The following GRIA1 variants were observed in gnomAD, a reference collection of about 807,000 sequenced individuals.
GRIA1 encodes glutamate receptor 1.
A neutral mutation model predicts 99.2 loss-of-function variants in GRIA1; 31 were observed. That is an observed-to-expected ratio of 0.31 (90% CI 0.23 to 0.42). GRIA1 has a LOEUF of 0.42. Ranked by LOEUF, GRIA1 falls within the 10% of genes least tolerant of loss-of-function variation. The pLI, the probability that GRIA1 is intolerant of heterozygous loss-of-function variation, is 1.00. For synonymous variants in GRIA1, 438 were observed against 432.4 expected, an observed-to-expected ratio of 1.01 and a Z score of -0.16; for missense variants, 782 against 1,157.5, an observed-to-expected ratio of 0.68 and a Z score of 4.71.
rs1267913024 is a variant in GRIA1 at position 153,533,396 on chromosome 5, G to A, written c.220+39331G>A. Among the ~76,000 whole-genome samples the A allele has an allele frequency of 2.0e-5, 3 of 152,090 alleles. No homozygotes were observed. In the East Asian group the frequency reaches 5.8e-4, roughly 29 times the overall value. On this transcript the variant is annotated intron_variant, in intron 2 of 15. Transcript: ENST00000285900. ...ATGGAGGAGGCTTCTGAGGGACTGAGGGAGGACAAATCTTGGAAAGAGAGG... is the reference window on the plus strand; with the variant it reads ...ATGGAGGAGGCTTCTGAGGGACTGAAGGAGGACAAATCTTGGAAAGAGAGG...
At chr5:153,635,013 C>T (rs1001974763) in intron 2 of GRIA1, among the ~76,000 whole-genome samples, 47 of 152,114 alleles carry the variant, frequency 3.1e-4, no homozygotes, top group African/African-American at 1.1e-3. Flanking sequence ...ATGAATTTTG[C>T]TGATTTAGGG....
chr5:153,647,245 C>T, intron 3 of GRIA1, 78 bp downstream of exon 3: 3 of 1,476,800 alleles, frequency 2.0e-6, no homozygotes, highest in South Asian at 2.5e-5. Context: ...TGATGCCTCA[C>T]TGCTTCCCTG....
chr5:153,676,989 A>G lies in GRIA1; in HGVS notation c.862-5A>G, dbSNP rs746887407. On this transcript the variant is annotated splice_region_variant and splice_polypyrimidine_tract_variant and intron_variant, in intron 6 of 15. Transcript: ENST00000285900. The stretch of plus-strand genomic sequence containing the variant: ...ATACCTAACTGTCTCCATTCCTCCC[A>G]CTAGTACACCTCTGCGCTCACCTAC... The G allele has an allele frequency of 1.4e-6, 2 of 1,412,466 alleles. No individual in the cohort carries two copies. The highest frequency in any genetic ancestry group is 3.5e-5 in the South Asian group (2 of 57,118). The allele number at this position is 1,412,466 out of a possible 1,614,324, so 87.5% of individuals were successfully genotyped here.
chr5:153,620,827 C>T (rs977163365), intron 2 of GRIA1, among the ~76,000 whole-genome samples: 1 of 152,138 alleles, frequency 6.6e-6, no homozygotes, highest in African/African-American at 2.4e-5. Context: ...TACCTCATTG[C>T]CTTCTGGAAG....
intron 10 of GRIA1, among the ~76,000 whole-genome samples, chr5:153,702,168 C>T (rs1419678710): frequency 5.9e-5 from 9 of 152,304 alleles, no homozygotes; most frequent in Non-Finnish European, 4.4e-5. Flanking sequence ...AAATGCTAGG[C>T]GGTAAAACCA....
intron 5 of GRIA1, among the ~76,000 whole-genome samples, chr5:153,668,368 A>G (rs1755900590): frequency 6.6e-6 from 1 of 152,202 alleles, no homozygotes; most frequent in African/African-American, 2.4e-5. Flanking sequence ...CTGATTTTAT[A>G]TGGCTCATGA....
chr5:153,736,326 G>A (rs767922172), intron 11 of GRIA1, among the ~76,000 whole-genome samples: 29 of 152,210 alleles, frequency 1.9e-4, no homozygotes, highest in Non-Finnish European at 3.1e-4. Flanking sequence ...TTATCAAAAT[G>A]CATATGTATA....
chr5:153,799,360 C>T (rs1006463771), intron 14 of GRIA1, among the ~76,000 whole-genome samples: 1 of 152,156 alleles, frequency 6.6e-6, no homozygotes, highest in Non-Finnish European at 1.5e-5. Context: ...CATTTTATTC[C>T]CACAGAGTGA....
intron 7 of GRIA1, among the ~76,000 whole-genome samples, chr5:153,680,480 G>A (rs1001796261): frequency 1.4e-4 from 21 of 152,196 alleles, no homozygotes; most frequent in African/African-American, 5.1e-4. Context: ...AAAGAAATCT[G>A]TAGATTCTTT....
At chr5:153,802,953 C>G (rs569649260) in intron 15 of GRIA1, among the ~76,000 whole-genome samples, 2 of 152,182 alleles carry the variant, frequency 1.3e-5, no homozygotes, top group East Asian at 3.9e-4. Context: ...ACAAAGAGGA[C>G]CATGTGCAGA....
At chr5:153,603,230 T>C (rs1431099271) in intron 2 of GRIA1, among the ~76,000 whole-genome samples, 1 of 152,208 alleles carries the variant, frequency 6.6e-6, no homozygotes, top group Non-Finnish European at 1.5e-5. Flanking sequence ...ATTTCATCCA[T>C]GTCCCTACAA....
At chr5:153,534,197 C>T (rs1029836329) in intron 2 of GRIA1, among the ~76,000 whole-genome samples, 1 of 152,232 alleles carries the variant, frequency 6.6e-6, no homozygotes. Flanking sequence ...TGTGCCTCCT[C>T]TCCTTACTTT....
At chr5:153,767,136 A>C (rs1359047668) in intron 12 of GRIA1, among the ~76,000 whole-genome samples, 1 of 152,178 alleles carries the variant, frequency 6.6e-6, no homozygotes, top group South Asian at 2.1e-4. Flanking sequence ...TTCCTACCCT[A>C]AAGTAAAACC....
chr5:153,730,789 A>C (rs1760954232), intron 11 of GRIA1, among the ~76,000 whole-genome samples: 1 of 152,122 alleles, frequency 6.6e-6, no homozygotes, highest in African/African-American at 2.4e-5. Flanking sequence ...GTTTCTAGGC[A>C]GTTAGGAGAA....
At chr5:153,639,296 C>T (rs1753617548) in intron 2 of GRIA1, among the ~76,000 whole-genome samples, 1 of 152,194 alleles carries the variant, frequency 6.6e-6, no homozygotes, top group South Asian at 2.1e-4. Context: ...GTGCCGGATA[C>T]CTTAGAAGAG....
chr5:153,656,572 A>AT (rs1342301939), intron 5 of GRIA1, among the ~76,000 whole-genome samples: 1 of 151,448 alleles, frequency 6.6e-6, no homozygotes, highest in African/African-American at 2.4e-5. Flanking sequence ...TGTCAAGTCT[A>AT]TTTTTTCTGG....
At chr5:153,723,020 C>T (rs1760193051) in intron 11 of GRIA1, among the ~76,000 whole-genome samples, 1 of 152,094 alleles carries the variant, frequency 6.6e-6, no homozygotes, top group Non-Finnish European at 1.5e-5. Flanking sequence ...AAACTTGGAG[C>T]ATGCAAAACT....
chr5:153,537,554 G>A (rs1758696190), intron 2 of GRIA1, among the ~76,000 whole-genome samples: 1 of 152,202 alleles, frequency 6.6e-6, no homozygotes, highest in South Asian at 2.1e-4. Flanking sequence ...TGTCTTTAGT[G>A]TGAAAGGTGA....
chr5:153,489,813 A>G (rs973419280), upstream of GRIA1: 2 of 456,574 alleles, frequency 4.4e-6, no homozygotes, highest in Admixed American at 2.3e-5. Flanking sequence ...GAATCCCTGC[A>G]AAATGACTCA....
Sources: gnomAD v4.1 joint callset for allele counts (sites outside exome capture counted in the v4.1 genomes callset) on GRCh38, gnomAD v4.1.1 for gene constraint, MANE v1.5 for transcripts, NCBI Gene and HGNC (gene_info 2026-07-23, HGNC 2026-07-21) for gene names.